FCGRT: variants seen among roughly 807,000 people sequenced by gnomAD.
FCGRT encodes the protein IgG receptor FcRn large subunit p51.
A neutral mutation model predicts 35.7 loss-of-function variants in FCGRT; 13 were observed. The observed-to-expected ratio is 0.36, with a 90% CI of 0.24 to 0.58. The LOEUF is 0.58. FCGRT is among the 20% of genes least tolerant of loss of function. The pLI, the probability that FCGRT is intolerant of heterozygous loss-of-function variation, is 0.77. For synonymous variants in FCGRT, 233 were observed against 216.5 expected (o/e 1.08, Z -0.67); for missense variants, 455 against 474.9 (o/e 0.96, Z 0.39).
At position 49,516,166 on chromosome 19, in the gene FCGRT, A is replaced by G. The variant is rs1244163401; in HGVS notation, c.601+1680A>G. On this transcript the variant is annotated intron_variant, in intron 4 of 6. Coordinates refer to ENST00000221466, the MANE Select transcript of FCGRT (RefSeq NM_001136019.3). ...GGGGATGTGCACAGATATTCATTCC[A>G]AGTGCCACAAAGGAGAAGTTGAGAC... The G allele has an allele frequency of 6.6e-6, 3 of 454,544 alleles. No homozygotes were observed. In the Admixed American group the frequency reaches 7.1e-5, roughly 11 times the overall value. 28.2% of individuals were successfully genotyped at this position (454,544 alleles called of 1,614,324 possible).
intron 4 of FCGRT, among the ~76,000 whole-genome samples, chr19:49,516,595 C>T (rs1023577657): frequency 4.7e-5 from 7 of 150,016 alleles, no homozygotes; most frequent in Non-Finnish European, 4.4e-5. Flanking sequence ...CTTGCACTGT[C>T]GCCCAGACTG....
In FCGRT at chr19:49,513,965, C is replaced by T. The variant is rs775015778; in HGVS notation, c.157C>T (p.Leu53=). The change falls in exon 3 of 7, where the codon CTG becomes TTG. Residue 53 remains leucine (L), a synonymous_variant. Coordinates refer to ENST00000221466, the MANE Select transcript of FCGRT (RefSeq NM_001136019.3). The part of the protein sequence containing the change: ...GTPAFWVSGW[L]GPQQYLSYNS... Reference sequence around the variant, plus strand: ...TCCTGCCTTCTGGGTGTCCGGCTGGCTGGGCCCGCAGCAGTACCTGAGCTA... The same window carrying T: ...TCCTGCCTTCTGGGTGTCCGGCTGGTTGGGCCCGCAGCAGTACCTGAGCTA... 88 of 1,614,046 alleles carry T rather than the reference C, an allele frequency of 5.5e-5. No individual in the cohort carries two copies. In the South Asian group the frequency reaches 9.1e-4, roughly 17 times the overall value.
intron 2 of FCGRT, 195 bp downstream of exon 2, chr19:49,513,668 CCTCT>C: frequency 2.1e-6 from 1 of 476,094 alleles, no homozygotes; most frequent in Non-Finnish European, 3.6e-6. Context: ...TGTCTGTTTC[CCTCT>C]CTCTCTCTGG....
chr19:49,524,226 C>A (rs540619932), intron 4 of FCGRT, among the ~76,000 whole-genome samples: 1 of 152,044 alleles, frequency 6.6e-6, no homozygotes, highest in Admixed American at 6.5e-5. Context: ...AGTGTGGTCT[C>A]GAACTCCTGA....
chr19:49,520,753 C>G (rs1445615762), intron 4 of FCGRT: 1 of 152,226 alleles, frequency 6.6e-6, no homozygotes, highest in African/African-American at 2.4e-5. Context: ...GCTGTGAGCA[C>G]GACACAGGAA....
chr19:49,514,465 C>G lies in FCGRT; in HGVS notation c.580C>G (p.Arg194Gly). ...CCTGCGGGAGCACCTGGAGAGGGGCCGCGGAAACCTGGAGTGGAAGGGTGA... is the reference window on the plus strand; with the variant it reads ...CCTGCGGGAGCACCTGGAGAGGGGCGGCGGAAACCTGGAGTGGAAGGGTGA... ...HRLREHLERG[R>G]GNLEWKEPPS... The change falls in exon 4 of 7, where the codon CGC becomes GGC. Residue 194 changes from arginine to glycine, a missense_variant. Arg to Gly is a moderately radical substitution (Grantham distance 125, BLOSUM62 -2). Around this residue, in one of 3 missense-constraint regions of FCGRT, gnomAD observed 312 missense variants for 296.1 expected, o/e 1.05. Coordinates refer to ENST00000221466, the MANE Select transcript of FCGRT (RefSeq NM_001136019.3). 1 of 1,555,812 alleles carries G rather than the reference C, an allele frequency of 6.4e-7. No individual in the cohort carries two copies. The highest frequency in any genetic ancestry group is 8.7e-7 in the Non-Finnish European group (1 of 1,147,192).
Position 49,513,998 on chromosome 19 carries a change from C to T in FCGRT, c.190C>T (p.Leu64=). Residue 64 remains leucine, a synonymous_variant, in exon 3 of 7, where the codon CTG becomes TTG. Coordinates refer to ENST00000221466, the MANE Select transcript of FCGRT (RefSeq NM_001136019.3). ...GCAGCAGTACCTGAGCTACAATAGC[C>T]TGCGGGGCGAGGCGGAGCCCTGTGG... ...GPQQYLSYNS[L]RGEAEPCGAW... is the part of the protein sequence containing the mutation. 1.2e-6 allele frequency: 2 copies of T among 1,613,696 alleles called. No homozygotes were observed. The highest frequency in any genetic ancestry group is 1.7e-6 in the Non-Finnish European group (2 of 1,180,022).
intron 4 of FCGRT, among the ~76,000 whole-genome samples, chr19:49,523,031 C>A (rs1261181673): frequency 6.6e-6 from 1 of 151,874 alleles, no homozygotes; most frequent in Admixed American, 6.6e-5. Context: ...CCTGCCTCGG[C>A]CTCCCAAAGT....
rs181182779 is a variant in FCGRT, at chr19:49,525,596, G to A, written c.988+23G>A. 1.3e-3 allele frequency: 1,972 copies of A among 1,531,324 alleles called. 5 individuals carry two copies. The highest frequency in any genetic ancestry group is 6.4e-3 in the Admixed American group (382 of 59,578). 94.9% of individuals were successfully genotyped at this position (1,531,324 alleles called of 1,614,324 possible). A position where few individuals can be genotyped will look rare whatever the true frequency, so the allele number is the denominator to read the frequency against. On this transcript the variant is annotated intron_variant, in intron 6 of 6. Transcript: ENST00000221466. ...CAGGTGGGGGGCAGCGGGAGGAAGA[G>A]CCTCTGAGAGAGGGACAGAGACCCC...
Position 49,526,170 on chromosome 19 carries a change from G to A in FCGRT, c.*51G>A, listed in dbSNP as rs780617358. The A allele has an allele frequency of 3.3e-6, 4 of 1,202,204 alleles. No individual in the cohort carries two copies. The highest frequency in any genetic ancestry group is 4.6e-5 in the East Asian group (2 of 43,018). The allele number at this position is 1,202,204 out of a possible 1,614,324, so 74.5% of individuals were successfully genotyped here. Reference sequence around the variant, plus strand: ...GCGAATGTAGTCAGGCCCCTTTCATGCTGTGAGACCTCCTGGAACACTGGC... The same window carrying A: ...GCGAATGTAGTCAGGCCCCTTTCATACTGTGAGACCTCCTGGAACACTGGC... On this transcript the variant is annotated 3_prime_UTR_variant, in exon 7 of 7. Transcript: ENST00000221466.
rs748564646 is a variant in FCGRT, at chr19:49,524,637, C to T, written c.732C>T (p.Thr244=). ...TGCGGAATGGGCTGGCCGCTGGCAC[C>T]GGCCAGGGTGACTTCGGCCCCAACA... ...RFLRNGLAAG[T]GQGDFGPNSD... Residue 244 remains threonine, a synonymous_variant, in exon 5 of 7, where the codon ACC becomes ACT. Coordinates refer to ENST00000221466, the MANE Select transcript of FCGRT (RefSeq NM_001136019.3). 31 of 1,608,870 alleles carry T rather than the reference C, an allele frequency of 1.9e-5. No individual in the cohort carries two copies. Among genetic ancestry groups the T allele is most frequent in the South Asian group, 5.5e-5 (5 of 91,092 alleles).
At chr19:49,513,849 G>A (rs1462589500) in intron 2 of FCGRT, 33 bp from the exon 3 acceptor site, 1 of 1,495,686 alleles carries the variant, frequency 6.7e-7, no homozygotes, top group Non-Finnish European at 9.0e-7. Flanking sequence ...TTCCCCGCCC[G>A]TGTGCTCCCT....
At chr19:49,525,139 G>C in intron 5 of FCGRT, 2 of 516,424 alleles carry the variant, frequency 3.9e-6, no homozygotes, top group African/African-American at 1.9e-5. Context: ...CTGACTGCCT[G>C]CTGCTTTGCT....
chr19:49,522,549 A>G (rs1250541557), intron 4 of FCGRT, among the ~76,000 whole-genome samples: 1 of 151,512 alleles, frequency 6.6e-6, no homozygotes, highest in African/African-American at 2.4e-5. Flanking sequence ...CTCCTGCCTT[A>G]GCCTCCTGAG....
chr19:49,525,157 G>T, intron 5 of FCGRT: 1 of 510,824 alleles, frequency 2.0e-6, no homozygotes, highest in Non-Finnish European at 3.7e-6. Flanking sequence ...GCTACTGCCC[G>T]GGCCCATGAG....
At position 49,513,714 on chromosome 19, in the gene FCGRT, G is replaced by GTCTCTCTCTCTCTCTCTCTCTC. The variant is rs139316391; in HGVS notation, c.74-155_74-154insCTCTCTCTCTCTCTCTCTCTCT. The GTCTCTCTCTCTCTCTCTCTCTC allele has an allele frequency of 7.4e-4, 394 of 532,212 alleles. 10 individuals are homozygous for GTCTCTCTCTCTCTCTCTCTCTC. The African/African-American group carries it at 9.7e-3, about 13-fold the overall frequency. The allele number at this position is 532,212 out of a possible 1,614,324, so 33.0% of individuals were successfully genotyped here. A position where few individuals can be genotyped will look rare whatever the true frequency, so the allele number is the denominator to read the frequency against. ...GTCCCCCTCTCTTTCTGGGTCTCTTGTCTCTCTCTCTCTGGGTCTCTGTCC... is the reference window on the plus strand; with the variant it reads ...GTCCCCCTCTCTTTCTGGGTCTCTTGTCTCTCTCTCTCTCTCTCTCTCTCTCTCTCTCTCTGGGTCTCTGTCC... On this transcript the variant is annotated intron_variant, in intron 2 of 6. Transcript: ENST00000221466.
intron 4 of FCGRT, chr19:49,521,608 G>A (rs2080041623): frequency 6.7e-6 from 1 of 149,688 alleles, no homozygotes; most frequent in African/African-American, 2.4e-5. Flanking sequence ...TGGGCGTAAG[G>A]ATCCTTCTGC....
At chr19:49,525,639 A>G (rs2080070756) in intron 6 of FCGRT, 66 bp downstream of exon 6, 13 of 1,120,604 alleles carry the variant, frequency 1.2e-5, no homozygotes, top group Admixed American at 1.9e-5. Flanking sequence ...GGGCACACAG[A>G]CCTGGGAGGA....
rs768621432 is a variant in FCGRT at position 49,524,745 on chromosome 19, G to A, written c.840G>A (p.Ala280=). The A allele has an allele frequency of 2.4e-5, 39 of 1,601,070 alleles. No homozygotes were observed. Among genetic ancestry groups the A allele is most frequent in the Admixed American group, 8.3e-5 (5 of 59,980 alleles). Reference sequence around the variant, plus strand: ...ACTACTGCTGCATTGTGCAGCACGCGGGGCTGGCGCAGCCCCTCAGGGTGG... The same window carrying A: ...ACTACTGCTGCATTGTGCAGCACGCAGGGCTGGCGCAGCCCCTCAGGGTGG... ...EHHYCCIVQH[A]GLAQPLRVEL... is the part of the protein sequence containing the mutation. The change falls in exon 5 of 7, where the codon GCG becomes GCA. Residue 280 remains alanine (A), a synonymous_variant. Transcript: ENST00000221466.
Sources: gnomAD v4.1 joint callset for allele counts (sites outside exome capture counted in the v4.1 genomes callset) on GRCh38, gnomAD v4.1.1 for gene constraint, gnomAD v4.1.1 regional missense constraint, MANE v1.5 for transcripts, NCBI Gene and HGNC (gene_info 2026-07-23, HGNC 2026-07-21) for gene names.